CHERP: variants seen among roughly 807,000 people sequenced by gnomAD.
CHERP encodes the protein ERPROT 213-21.
In CHERP, 8 loss-of-function variants were observed where a neutral mutation model predicts 113.8. That is an observed-to-expected ratio of 0.07 (90% CI 0.04 to 0.13). CHERP has a LOEUF of 0.13. Ranked by LOEUF, CHERP falls within the 10% of genes least tolerant of loss-of-function variation. CHERP has a pLI of 1.00. For missense variants in CHERP, 884 were observed against 1,298.2 expected (o/e 0.68, Z 4.90); for synonymous variants, 559 against 524.5 (o/e 1.07, Z -0.90).
rs1037529652 is a variant in CHERP, at chr19:16,518,230, G to A, written c.*929C>T. On this transcript the variant is annotated 3_prime_UTR_variant, in exon 17 of 17. Transcript: ENST00000546361. Reference sequence around the variant, plus strand: ...TCCCCTCCCTTCGGGGGTGTGAAATGAAATGATGGAGTGGAAGGCGCTGGC... The same window carrying A: ...TCCCCTCCCTTCGGGGGTGTGAAATAAAATGATGGAGTGGAAGGCGCTGGC... The A allele has an allele frequency of 6.6e-6, 1 of 152,098 alleles. No homozygotes were observed. The highest frequency in any genetic ancestry group is 3.2e-3 in the Middle Eastern group (1 of 316). 9.4% of individuals were successfully genotyped at this position (152,098 alleles called of 1,614,324 possible).
chr19:16,532,153 T>G lies in CHERP; in HGVS notation c.674+445A>C, dbSNP rs1256747928. Reference sequence around the variant, plus strand: ...GATGGGTCAGGGCTGGAGAAGGGGATCCCAAAGGAGGGTCCTGATGGCTGA... The same window carrying G: ...GATGGGTCAGGGCTGGAGAAGGGGAGCCCAAAGGAGGGTCCTGATGGCTGA... On this transcript the variant is annotated intron_variant, in intron 5 of 16. Coordinates refer to ENST00000546361, the MANE Select transcript of CHERP (RefSeq NM_006387.6). The surrounding 1 kb of genome is among the most constrained non-coding windows in gnomAD (Gnocchi z 4.4). 3 of 160,926 alleles carry G rather than the reference T, an allele frequency of 1.9e-5. No homozygotes were observed. Among genetic ancestry groups the G allele is most frequent in the Non-Finnish European group, 4.1e-5 (3 of 73,296 alleles). 10.0% of individuals were successfully genotyped at this position (160,926 alleles called of 1,614,324 possible).
chr19:16,522,762 G>C (rs1357139748), intron 11 of CHERP, among the ~76,000 whole-genome samples: 1 of 152,180 alleles, frequency 6.6e-6, no homozygotes, highest in African/African-American at 2.4e-5. Context: ...CCTGGACCAA[G>C]AAGGACGAAG....
At chr19:16,527,045 T>C (rs1264446157) in intron 9 of CHERP, among the ~76,000 whole-genome samples, 1 of 152,192 alleles carries the variant, frequency 6.6e-6, no homozygotes, top group Non-Finnish European at 1.5e-5. Flanking sequence ...AGACCCCACA[T>C]GGCCAAGTCA....
In CHERP at chr19:16,523,409, C is replaced by G. The variant is rs2085635105; in HGVS notation, c.1742-119G>C. On this transcript the variant is annotated intron_variant, in intron 10 of 16. Transcript: ENST00000546361. This position sits in a 1 kb window ranked among gnomAD's most constrained non-coding sequence, Gnocchi z 4.0. Reference sequence around the variant, plus strand: ...GACGAACCCCTCCTGGGAGCCTGTCCAGCATCTTCTCTCACTGCTTAAGAC... The same window carrying G: ...GACGAACCCCTCCTGGGAGCCTGTCGAGCATCTTCTCTCACTGCTTAAGAC... 1 of 1,188,406 alleles carries G rather than the reference C, an allele frequency of 8.4e-7. No homozygotes were observed. Among genetic ancestry groups the G allele is most frequent in the Non-Finnish European group, 1.2e-6 (1 of 838,516 alleles). 73.6% of individuals were successfully genotyped at this position (1,188,406 alleles called of 1,614,324 possible).
Position 16,530,902 on chromosome 19 carries a change from C to T in CHERP, c.675-22G>A, listed in dbSNP as rs761534494. 20 of 1,609,258 alleles carry T rather than the reference C, an allele frequency of 1.2e-5. No individual in the cohort carries two copies. The highest frequency in any genetic ancestry group is 1.1e-4 in the African/African-American group (8 of 74,890). On this transcript the variant is annotated intron_variant, in intron 5 of 16. Transcript: ENST00000546361. This position sits in a 1 kb window ranked among gnomAD's most constrained non-coding sequence, Gnocchi z 4.1. ...CTGGCTGTGAGGGAGAGACTTTCCG[C>T]GCGTCAGGGCCCTGGGGCGGGACCC...
intron 9 of CHERP, among the ~76,000 whole-genome samples, chr19:16,526,622 C>T (rs2085659284): frequency 6.6e-6 from 1 of 152,106 alleles, no homozygotes; most frequent in Non-Finnish European, 1.5e-5. Context: ...CGCCTGGCAC[C>T]ATGCCCGGCT....
chr19:16,535,838 C>A lies in CHERP; in HGVS notation c.200-202G>T, dbSNP rs1016402176. ...CCCTCTCACAGGATCCCAGCCTCAG[C>A]ATTCCATCTTCGGGCCGTCCCCTCC... On this transcript the variant is annotated intron_variant, in intron 2 of 16. Coordinates refer to ENST00000546361, the MANE Select transcript of CHERP (RefSeq NM_006387.6). This position sits in a 1 kb window ranked among gnomAD's most constrained non-coding sequence, Gnocchi z 4.3. Among the ~76,000 whole-genome samples, 5 of 152,172 alleles carry A rather than the reference C, an allele frequency of 3.3e-5. No individual in the cohort carries two copies. Among genetic ancestry groups the A allele is most frequent in the Admixed American group, 2.6e-4 (4 of 15,286 alleles).
At chr19:16,542,210 G>A (rs2085785101) in intron 1 of CHERP, 144 bp downstream of exon 1, 2 of 1,070,928 alleles carry the variant, frequency 1.9e-6, no homozygotes, top group East Asian at 3.1e-5. Context: ...CGCCGGGAAT[G>A]CGGGGACCCA....
In CHERP at chr19:16,518,984, ATGGAGCACGGCG is replaced by A; in HGVS notation, c.*163_*174del. 1 of 648,556 alleles carries A rather than the reference ATGGAGCACGGCG, an allele frequency of 1.5e-6. No homozygotes were observed. Among genetic ancestry groups the A allele is most frequent in the South Asian group, 2.0e-5 (1 of 49,060 alleles). The allele number at this position is 648,556 out of a possible 1,614,324, so 40.2% of individuals were successfully genotyped here. ...GGGTGGCACCCGTGCCCTCCACGCC[ATGGAGCACGGCG>A]TTCCCACTGGGCATGCGCTGGTCTT... is the stretch of plus-strand genomic sequence containing the variant. On this transcript the variant is annotated 3_prime_UTR_variant, in exon 17 of 17. Transcript: ENST00000546361.
At position 16,529,883 on chromosome 19, in the gene CHERP, C is replaced by T. The variant is rs1292698696; in HGVS notation, c.894G>A (p.Glu298=). 1 of 1,613,554 alleles carries T rather than the reference C, an allele frequency of 6.2e-7. No individual in the cohort carries two copies. Among genetic ancestry groups the T allele is most frequent in the South Asian group, 1.1e-5 (1 of 91,072 alleles). The change falls in exon 8 of 17, where the codon GAG becomes GAA. Residue 298 remains glutamate, a synonymous_variant. Transcript: ENST00000546361. ...GCACCGGCTGGACCACTGAGGAGTA[C>T]TCGTTGATGAGGGTGGCCTGAGAGA... ...LGQYQATLIN[E]YSSVVQPVQL...
intron 2 of CHERP, among the ~76,000 whole-genome samples, chr19:16,539,375 C>T (rs1196457171): frequency 1.3e-5 from 2 of 151,970 alleles, no homozygotes; most frequent in African/African-American, 2.4e-5. Context: ...TCTCGATCTC[C>T]TGACCTCGTG....
In CHERP at chr19:16,525,179, C is replaced by A; in HGVS notation, c.1741+63G>T. 1.5e-6 allele frequency: 2 copies of A among 1,352,624 alleles called. No individual in the cohort carries two copies. The highest frequency in any genetic ancestry group is 1.9e-6 in the Non-Finnish European group (2 of 1,036,820). The allele number at this position is 1,352,624 out of a possible 1,614,324, so 83.8% of individuals were successfully genotyped here. A position where few individuals can be genotyped will look rare whatever the true frequency, so the allele number is the denominator to read the frequency against. ...GCAGGGCCACAAGCAGCGCCACCAGCCTGCTCGGCAGGCGAGCCGTGGATG... is the reference window on the plus strand; with the variant it reads ...GCAGGGCCACAAGCAGCGCCACCAGACTGCTCGGCAGGCGAGCCGTGGATG... On this transcript the variant is annotated intron_variant, in intron 10 of 16. Coordinates refer to ENST00000546361, the MANE Select transcript of CHERP (RefSeq NM_006387.6). This position sits in a 1 kb window ranked among gnomAD's most constrained non-coding sequence, Gnocchi z 6.5.
At position 16,532,814 on chromosome 19, in the gene CHERP, C is replaced by G; in HGVS notation, c.523-65G>C. ...GCTCCCCCAGGCACCCACTGCATCCCTGAGAGCGCGTCACCATCAGCTCAG... is the reference window on the plus strand; with the variant it reads ...GCTCCCCCAGGCACCCACTGCATCCGTGAGAGCGCGTCACCATCAGCTCAG... On this transcript the variant is annotated intron_variant, in intron 4 of 16. Coordinates refer to ENST00000546361, the MANE Select transcript of CHERP (RefSeq NM_006387.6). The surrounding 1 kb of genome is among the most constrained non-coding windows in gnomAD (Gnocchi z 4.4). 1.3e-6 allele frequency: 2 copies of G among 1,565,266 alleles called. No individual in the cohort carries two copies. Among genetic ancestry groups the G allele is most frequent in the Non-Finnish European group, 1.7e-6 (2 of 1,150,746 alleles).
rs1219298036 is a variant in CHERP at position 16,518,810 on chromosome 19, A to C, written c.*349T>G. On this transcript the variant is annotated 3_prime_UTR_variant, in exon 17 of 17. Coordinates refer to ENST00000546361, the MANE Select transcript of CHERP (RefSeq NM_006387.6). ...CATGCTCCTCCTGGAGCCTAGGAGG[A>C]GGCTTCAATCTGACTTAGGGCAGAT... 1 of 276,056 alleles carries C rather than the reference A, an allele frequency of 3.6e-6. No homozygotes were observed. Among genetic ancestry groups the C allele is most frequent in the Non-Finnish European group, 6.9e-6 (1 of 144,036 alleles). 17.1% of individuals were successfully genotyped at this position (276,056 alleles called of 1,614,324 possible).
chr19:16,532,569 C>A lies in CHERP; in HGVS notation c.674+29G>T, dbSNP rs763518566. 1.2e-5 allele frequency: 18 copies of A among 1,563,940 alleles called. No individual in the cohort carries two copies. In the South Asian group the frequency reaches 2.0e-4, roughly 17 times the overall value. On this transcript the variant is annotated intron_variant, in intron 5 of 16. Transcript: ENST00000546361. The surrounding 1 kb of genome is among the most constrained non-coding windows in gnomAD (Gnocchi z 4.4). Reference sequence around the variant, plus strand: ...GTTGAGGAGGAGCGCGAGGAAGTGGCGCTCTGGGCACGGGGTGGCGGCGCT... The same window carrying A: ...GTTGAGGAGGAGCGCGAGGAAGTGGAGCTCTGGGCACGGGGTGGCGGCGCT...
At chr19:16,528,378 C>T (rs891903082) in intron 8 of CHERP, 123 bp from the exon 9 acceptor site, 1 of 922,468 alleles carries the variant, frequency 1.1e-6, no homozygotes, top group Non-Finnish European at 1.6e-6. Flanking sequence ...CGCTTCAGGA[C>T]CCACTAAAAC....
rs1195105895 is a variant in CHERP, at chr19:16,535,658, T to A, written c.200-22A>T. 6.7e-7 allele frequency: 1 copy of A among 1,482,156 alleles called. No homozygotes were observed. Among genetic ancestry groups the A allele is most frequent in the African/African-American group, 1.4e-5 (1 of 71,278 alleles). The allele number at this position is 1,482,156 out of a possible 1,614,324, so 91.8% of individuals were successfully genotyped here. A position where few individuals can be genotyped will look rare whatever the true frequency, so the allele number is the denominator to read the frequency against. ...ATGACTGGAGGGAGAGGAGGAGGGG[T>A]GCCCCATGAGAATGCAGATGGGGGT... On this transcript the variant is annotated intron_variant, in intron 2 of 16. Transcript: ENST00000546361. This position sits in a 1 kb window ranked among gnomAD's most constrained non-coding sequence, Gnocchi z 4.3.
rs1333096491 is a variant in CHERP, at chr19:16,541,792, G to C, written c.199+78C>G. On this transcript the variant is annotated intron_variant, in intron 2 of 16. Transcript: ENST00000546361. ...AAGAATAAACGACCCGAAAGAAAGA[G>C]GTTTGTGGCAGAGCCCGGACTGGAA... is the stretch of plus-strand genomic sequence containing the variant. The C allele has an allele frequency of 2.1e-6, 3 of 1,434,314 alleles. No homozygotes were observed. In the East Asian group the frequency reaches 6.8e-5, roughly 33 times the overall value. 88.8% of individuals were successfully genotyped at this position (1,434,314 alleles called of 1,614,324 possible). A position where few individuals can be genotyped will look rare whatever the true frequency, so the allele number is the denominator to read the frequency against.
chr19:16,535,678 G>A lies in CHERP; in HGVS notation c.200-42C>T. The A allele has an allele frequency of 3.4e-6, 5 of 1,457,820 alleles. No individual in the cohort carries two copies. In the South Asian group the frequency reaches 5.6e-5, roughly 16 times the overall value. 90.3% of individuals were successfully genotyped at this position (1,457,820 alleles called of 1,614,324 possible). A position where few individuals can be genotyped will look rare whatever the true frequency, so the allele number is the denominator to read the frequency against. ...AGGGGTGCCCCATGAGAATGCAGAT[G>A]GGGGTCTAGGTGTCCCCTTGGCCAC... On this transcript the variant is annotated intron_variant, in intron 2 of 16. Transcript: ENST00000546361. The surrounding 1 kb of genome is among the most constrained non-coding windows in gnomAD (Gnocchi z 4.3).
Sources: allele counts gnomAD v4.1 joint callset (sites outside exome capture counted in the v4.1 genomes callset), GRCh38; gene constraint gnomAD v4.1.1; non-coding constraint Gnocchi (gnomAD v3.1); transcripts MANE v1.5; gene names NCBI Gene and HGNC (gene_info 2026-07-23, HGNC 2026-07-21).